Variants in EXT2 observed in about 807,000 individuals in gnomAD.
EXT2 encodes the protein exostosin glycosyltransferase 2.
Under a neutral mutation model 81.6 loss-of-function variants are expected in EXT2, and 53 were observed. That is an observed-to-expected ratio of 0.65 (90% CI 0.52 to 0.82). The LOEUF is 0.82. EXT2 is among the 40% of genes least tolerant of loss of function. EXT2 has a pLI of 0.00. For synonymous variants in EXT2, 320 were observed against 340.0 expected (o/e 0.94, Z 0.65); for missense variants, 774 against 910.2 (o/e 0.85, Z 1.93).
chr11:44,239,816 C>CT (rs1956015424), intron 13 of EXT2, among the ~76,000 whole-genome samples: 1 of 147,126 alleles, frequency 6.8e-6, no homozygotes, highest in Admixed American at 7.1e-5. Context: ...TCAGAAAGAA[C>CT]TTTAAAAAAA....
At chr11:44,224,328 G>A (rs1955815678) in intron 10 of EXT2, among the ~76,000 whole-genome samples, 1 of 151,848 alleles carries the variant, frequency 6.6e-6, no homozygotes, top group South Asian at 2.1e-4. Flanking sequence ...AAACTAGATG[G>A]AGTATATCTG....
chr11:44,137,302 T>C (rs369170762), intron 7 of EXT2, among the ~76,000 whole-genome samples: 1 of 152,196 alleles, frequency 6.6e-6, no homozygotes, highest in East Asian at 1.9e-4. Flanking sequence ...TTGGACTGAT[T>C]TGCAGTTGTT....
intron 8 of EXT2, chr11:44,172,031 C>T (rs1218254738): frequency 2.0e-5 from 9 of 451,802 alleles, no homozygotes; most frequent in South Asian, 1.1e-4. Flanking sequence ...AAAGACATCC[C>T]GGTGACTTTT....
At chr11:44,114,152 T>G in intron 3 of EXT2, 33 bp from the exon 4 acceptor site, 9 of 1,561,940 alleles carry the variant, frequency 5.8e-6, no homozygotes, top group African/African-American at 1.3e-5. Flanking sequence ...AGTCCTTTCT[T>G]TCTCATCGTT....
chr11:44,157,678 G>T (rs1306169417), intron 7 of EXT2, among the ~76,000 whole-genome samples: 2 of 152,082 alleles, frequency 1.3e-5, no homozygotes, highest in Non-Finnish European at 2.9e-5. Context: ...AGGAACCAAG[G>T]CCTGGGATAA....
chr11:44,109,740 C>T (rs1954116034), intron 3 of EXT2, among the ~76,000 whole-genome samples: 1 of 152,124 alleles, frequency 6.6e-6, no homozygotes, highest in African/African-American at 2.4e-5. Context: ...TCTTTCTGTC[C>T]GTTCCTCCCT....
At position 44,107,740 on chromosome 11, in the gene EXT2, C is replaced by A. The variant is rs4755228; in HGVS notation, c.28C>A (p.Arg10=). 25,239 of 1,614,126 alleles carry A rather than the reference C, an allele frequency of 0.016. 1,714 individuals carry two copies. The East Asian group carries it at 0.25, about 16-fold the overall frequency. The change falls in exon 2 of 14, where the codon CGG becomes AGG. Residue 10 remains arginine, a synonymous_variant. Transcript: ENST00000533608. The part of the protein sequence containing the change: MCASVKYNI[R]GPALIPRMKT... Reference sequence around the variant, plus strand: ...GTGTGCGTCGGTCAAGTATAATATCCGGGGTCCTGCCCTCATCCCAAGAAT... The same window carrying A: ...GTGTGCGTCGGTCAAGTATAATATCAGGGGTCCTGCCCTCATCCCAAGAAT...
intron 8 of EXT2, among the ~76,000 whole-genome samples, chr11:44,174,568 CTT>C (rs200476640): frequency 6.6e-6 from 1 of 151,772 alleles, no homozygotes; most frequent in Non-Finnish European, 1.5e-5. Context: ...CACATTTTGA[CTT>C]TTGTAAATTA....
At chr11:44,113,981 C>T (rs1304070747) in intron 3 of EXT2, among the ~76,000 whole-genome samples, 4 of 151,828 alleles carry the variant, frequency 2.6e-5, no homozygotes, top group African/African-American at 4.8e-5. Flanking sequence ...TTTAGGACCC[C>T]GGGGGAAGGC....
Position 44,095,795 on chromosome 11 carries a change from C to A in EXT2, c.-88C>A. On this transcript the variant is annotated 5_prime_UTR_variant, in exon 1 of 14. Coordinates refer to ENST00000533608, the MANE Select transcript of EXT2 (RefSeq NM_207122.2). ...CGACCTGGGCGGAGGTGGCCCGCGCCCCGCGGCATGAGCCGGTGACCAAGC... is the reference window on the plus strand; with the variant it reads ...CGACCTGGGCGGAGGTGGCCCGCGCACCGCGGCATGAGCCGGTGACCAAGC... 6.3e-6 allele frequency: 1 copy of A among 159,970 alleles called. No homozygotes were observed. Among genetic ancestry groups the A allele is most frequent in the Non-Finnish European group, 1.4e-5 (1 of 73,814 alleles). 9.9% of individuals were successfully genotyped at this position (159,970 alleles called of 1,614,324 possible).
intron 10 of EXT2, among the ~76,000 whole-genome samples, chr11:44,231,583 C>T (rs2135257592): frequency 6.6e-6 from 1 of 152,290 alleles, no homozygotes; most frequent in South Asian, 2.1e-4. Flanking sequence ...GGACCGAATT[C>T]TCAGAAGTCT....
chr11:44,212,723 C>T (rs1955665383), intron 10 of EXT2, among the ~76,000 whole-genome samples: 1 of 152,088 alleles, frequency 6.6e-6, no homozygotes. Flanking sequence ...AGTATCTATA[C>T]AGGGGAGTAC....
At chr11:44,122,184 A>G (rs908950417) in intron 4 of EXT2, among the ~76,000 whole-genome samples, 1 of 152,204 alleles carries the variant, frequency 6.6e-6, no homozygotes, top group Non-Finnish European at 1.5e-5. Flanking sequence ...TTGTTTGGAA[A>G]GACCTTTAAA....
intron 10 of EXT2, among the ~76,000 whole-genome samples, chr11:44,229,840 C>G (rs190343564): frequency 6.6e-6 from 1 of 152,184 alleles, no homozygotes; most frequent in African/African-American, 2.4e-5. Context: ...TTTTTACTCA[C>G]TGAGATTCTG....
intron 8 of EXT2, among the ~76,000 whole-genome samples, chr11:44,180,453 G>GT: frequency 6.6e-6 from 1 of 152,144 alleles, no homozygotes; most frequent in East Asian, 1.9e-4. Context: ...AATGCCTGTT[G>GT]TTTTTTCCCG....
chr11:44,144,289 A>C (rs764503340), intron 7 of EXT2: 27 of 1,598,416 alleles, frequency 1.7e-5, no homozygotes, highest in African/African-American at 2.7e-5. Context: ...GTCAGCTGCT[A>C]ATCACCAAAT....
intron 8 of EXT2, among the ~76,000 whole-genome samples, chr11:44,194,633 A>G (rs1372546260): frequency 6.6e-6 from 1 of 151,978 alleles, no homozygotes; most frequent in African/African-American, 2.4e-5. Context: ...CAGTTTCCTC[A>G]TCTGTAAAGT....
rs1195283345 is a variant in EXT2, at chr11:44,130,086, A to G, written c.1121A>G (p.Tyr374Cys). The change falls in exon 7 of 14, where the codon TAC (tyrosine) becomes TGC (cysteine). Residue 374 changes from tyrosine to cysteine, a missense_variant. Around this residue, in one of 2 missense-constraint regions of EXT2, gnomAD observed 626 missense variants for 670.5 expected, o/e 0.93. Transcript: ENST00000533608. ...CCAGAAGAAAAGATGTCAGATGTGT[A>G]CAGTATTTTGCAGAGCATCCCCCAA... is the stretch of plus-strand genomic sequence containing the variant. ...VVPEEKMSDV[Y>C]SILQSIPQRQ... The G allele has an allele frequency of 1.9e-6, 3 of 1,614,212 alleles. No homozygotes were observed. The highest frequency in any genetic ancestry group is 2.5e-6 in the Non-Finnish European group (3 of 1,180,034).
intron 13 of EXT2, 60 bp downstream of exon 13, chr11:44,236,435 G>T: frequency 6.7e-7 from 1 of 1,483,324 alleles, no homozygotes; most frequent in South Asian, 1.1e-5. Context: ...CCTGCCTTAG[G>T]CCTGTTTATG....
Sources: gnomAD v4.1 joint callset for allele counts (sites outside exome capture counted in the v4.1 genomes callset) on GRCh38, gnomAD v4.1.1 for gene constraint, gnomAD v4.1.1 regional missense constraint, MANE v1.5 for transcripts, NCBI Gene and HGNC (gene_info 2026-07-23, HGNC 2026-07-21) for gene names.